GRB2: variants seen among roughly 807,000 people sequenced by gnomAD.
The protein encoded by GRB2 is growth factor receptor-bound protein 2.
In GRB2, 2 loss-of-function variants were observed where a neutral mutation model predicts 27.4. That is an observed-to-expected ratio of 0.07 (90% CI 0.03 to 0.23). The LOEUF is 0.23. GRB2 is among the 10% of genes least tolerant of loss of function. GRB2 has a pLI of 1.00. For missense variants in GRB2, 102 were observed against 282.4 expected, an observed-to-expected ratio of 0.36 and a Z score of 4.58; for synonymous variants, 94 against 99.6, an observed-to-expected ratio of 0.94 and a Z score of 0.33.
chr17:75,352,425 G>A (rs1193390956), intron 2 of GRB2, among the ~76,000 whole-genome samples: 1 of 152,204 alleles, frequency 6.6e-6, no homozygotes, highest in African/African-American at 2.4e-5. Context: ...AGGCTTGTCA[G>A]ACCCGCAACT....
At position 75,369,611 on chromosome 17, in the gene GRB2, T is replaced by C. The variant is rs566806660; in HGVS notation, c.78+23940A>G. ...AGCTTACACCTGTAATCCCAGCACT[T>C]TGGGAGGCCGAGGCGGGCTGATCAC... On this transcript the variant is annotated intron_variant, in intron 2 of 5. Coordinates refer to ENST00000316804, the MANE Select transcript of GRB2 (RefSeq NM_002086.5). 2.0e-5 allele frequency among the ~76,000 whole-genome samples: 3 copies of C among 150,486 alleles called. No individual in the cohort carries two copies. The South Asian group carries it at 6.3e-4, about 32-fold the overall frequency.
chr17:75,369,076 T>C (rs973434807), intron 2 of GRB2, among the ~76,000 whole-genome samples: 6 of 152,304 alleles, frequency 3.9e-5, no homozygotes, highest in African/African-American at 1.4e-4. Flanking sequence ...TCATGGCAAA[T>C]GGCACAGCCA....
intron 2 of GRB2, among the ~76,000 whole-genome samples, chr17:75,356,789 C>T (rs1044213302): frequency 6.6e-6 from 1 of 152,176 alleles, no homozygotes; most frequent in African/African-American, 2.4e-5. Flanking sequence ...TTTCCTTCAC[C>T]TTGAAGCACT....
intron 1 of GRB2, among the ~76,000 whole-genome samples, chr17:75,401,048 C>T (rs1450585371): frequency 2.0e-5 from 3 of 151,744 alleles, no homozygotes; most frequent in Non-Finnish European, 4.4e-5. Context: ...AAGCAACCTC[C>T]ACCTCCCGGG....
intron 4 of GRB2, among the ~76,000 whole-genome samples, chr17:75,323,100 C>G (rs1351776647): frequency 7.4e-6 from 1 of 134,970 alleles, no homozygotes. Context: ...GCCTGTGCGA[C>G]AGAGTGACAC....
intron 2 of GRB2, among the ~76,000 whole-genome samples, chr17:75,376,381 C>G (rs1228821495): frequency 1.3e-5 from 2 of 150,358 alleles, no homozygotes; most frequent in Admixed American, 6.6e-5. Flanking sequence ...TTTAACCCGA[C>G]CTGGTGGCAT....
At chr17:75,371,117 C>A in intron 2 of GRB2, 1 of 152,384 alleles carries the variant, frequency 6.6e-6, no homozygotes, top group South Asian at 2.0e-4. Flanking sequence ...CGAGACCAGT[C>A]TGGGCAACAT....
In GRB2 at chr17:75,321,832, G is replaced by C; in HGVS notation, c.300-5C>G. On this transcript the variant is annotated splice_polypyrimidine_tract_variant and splice_region_variant and intron_variant, in intron 4 of 5. Transcript: ENST00000316804. ...TGCTGCACATCGTTTCCAAACCTGG[G>C]AGGGACAGAAAGCACATGTGACCGG... The C allele has an allele frequency of 3.1e-6, 5 of 1,613,234 alleles. No individual in the cohort carries two copies. Among genetic ancestry groups the C allele is most frequent in the African/African-American group, 1.3e-5 (1 of 75,038 alleles).
intron 2 of GRB2, among the ~76,000 whole-genome samples, chr17:75,381,787 C>A (rs1244523055): frequency 6.7e-6 from 1 of 148,542 alleles, no homozygotes; most frequent in African/African-American, 2.5e-5. Flanking sequence ...AAATGATCAA[C>A]ACTTCCCAAA....
At chr17:75,359,409 G>C (rs1241846876) in intron 2 of GRB2, among the ~76,000 whole-genome samples, 1 of 151,872 alleles carries the variant, frequency 6.6e-6, no homozygotes, top group Non-Finnish European at 1.5e-5. Context: ...GGGAGGCTGA[G>C]GCAGGAGGAT....
chr17:75,381,554 C>T (rs2078927841), intron 2 of GRB2, among the ~76,000 whole-genome samples: 2 of 150,580 alleles, frequency 1.3e-5, no homozygotes, highest in South Asian at 4.2e-4. Flanking sequence ...CTCGTCTCTA[C>T]TAAAAATAAA....
At chr17:75,385,605 T>C (rs571325505) in intron 2 of GRB2, among the ~76,000 whole-genome samples, 65 of 152,236 alleles carry the variant, frequency 4.3e-4, no homozygotes, top group Non-Finnish European at 7.2e-4. Flanking sequence ...CTAAACCAGA[T>C]TGGATCTGAA....
At chr17:75,380,214 A>AT (rs1198062148) in intron 2 of GRB2, among the ~76,000 whole-genome samples, 2 of 152,092 alleles carry the variant, frequency 1.3e-5, no homozygotes, top group East Asian at 1.9e-4. Context: ...GTGCACAGTG[A>AT]TTTTTTCTTT....
At chr17:75,391,459 G>A (rs1233953972) in intron 2 of GRB2, among the ~76,000 whole-genome samples, 1 of 152,112 alleles carries the variant, frequency 6.6e-6, no homozygotes, top group East Asian at 1.9e-4. Flanking sequence ...AATGTTCATG[G>A]TCTAGGTCTA....
At chr17:75,380,612 G>GC (rs1490328964) in intron 2 of GRB2, among the ~76,000 whole-genome samples, 1 of 152,154 alleles carries the variant, frequency 6.6e-6, no homozygotes, top group African/African-American at 2.4e-5. Context: ...CTTGTTCCAA[G>GC]CATGAGTTAA....
At chr17:75,383,407 T>C (rs1415387312) in intron 2 of GRB2, among the ~76,000 whole-genome samples, 4 of 152,178 alleles carry the variant, frequency 2.6e-5, no homozygotes, top group African/African-American at 9.7e-5. Flanking sequence ...TTGGCCACTT[T>C]TATGCGTAGA....
chr17:75,356,683 T>C (rs2078735981), intron 2 of GRB2, among the ~76,000 whole-genome samples: 1 of 152,146 alleles, frequency 6.6e-6, no homozygotes, highest in Admixed American at 6.6e-5. Flanking sequence ...CTGAAACTAC[T>C]CAAGGTCACC....
intron 5 of GRB2, among the ~76,000 whole-genome samples, chr17:75,321,090 C>A (rs571214579): frequency 7.9e-5 from 12 of 151,986 alleles, no homozygotes; most frequent in Non-Finnish European, 1.2e-4. Flanking sequence ...GTGTTAAAGA[C>A]CATCTCCCTA....
At chr17:75,330,595 AC>A (rs1315733493) in intron 3 of GRB2, among the ~76,000 whole-genome samples, 1 of 151,962 alleles carries the variant, frequency 6.6e-6, no homozygotes, top group Non-Finnish European at 1.5e-5. Context: ...AATCGCTTGA[AC>A]CCAGCAGGCG....
Sources: allele counts gnomAD v4.1 joint callset (sites outside exome capture counted in the v4.1 genomes callset), GRCh38; gene constraint gnomAD v4.1.1; transcripts MANE v1.5; gene names NCBI Gene and HGNC (gene_info 2026-07-23, HGNC 2026-07-21).